The following POC5 variants were observed in gnomAD, a reference collection of about 807,000 sequenced individuals.
POC5 encodes centrosomal protein POC5.
Under a neutral mutation model 62.9 loss-of-function variants are expected in POC5, and 48 were observed. The ratio of observed to expected loss-of-function variants is 0.76; its 90% CI spans 0.61 to 0.97. The LOEUF is 0.97. Among genes scored for constraint, POC5 ranks in the 50% least tolerant of loss-of-function variants. POC5 has a pLI of 0.00. For missense variants in POC5, 696 were observed against 679.5 expected, an observed-to-expected ratio of 1.02 and a Z score of -0.27; for synonymous variants, 236 against 228.2, an observed-to-expected ratio of 1.03 and a Z score of -0.31.
chr5:75,688,958 T>G, intron 9 of POC5, 54 bp downstream of exon 9: 1 of 1,459,176 alleles, frequency 6.9e-7, no homozygotes, highest in Non-Finnish European at 9.1e-7. Context: ...ATCACCAAAA[T>G]CTCCTCAAAT....
At chr5:75,691,232 T>C (rs1002044624) in intron 7 of POC5, among the ~76,000 whole-genome samples, 1 of 152,208 alleles carries the variant, frequency 6.6e-6, no homozygotes, top group Non-Finnish European at 1.5e-5. Flanking sequence ...AGTTTCAAAG[T>C]AGAGTATAAA....
chr5:75,707,472 G>T, intron 3 of POC5: 1 of 299,218 alleles, frequency 3.3e-6, no homozygotes, highest in Non-Finnish European at 6.3e-6. Context: ...ATACCAAAAA[G>T]CCATGCAGTT....
At chr5:75,717,084 T>G (rs1436486274) in intron 1 of POC5, among the ~76,000 whole-genome samples, 2 of 152,236 alleles carry the variant, frequency 1.3e-5, no homozygotes, top group African/African-American at 4.8e-5. Flanking sequence ...CCGGAACCTC[T>G]GATGACAGTA....
chr5:75,699,520 C>G lies in POC5; in HGVS notation c.513+3085G>C, dbSNP rs1468524218. Among the ~76,000 whole-genome samples the G allele has an allele frequency of 1.7e-4, 24 of 143,292 alleles. 2 individuals carry two copies. In the East Asian group the frequency reaches 3.2e-3, roughly 19 times the overall value. 94.0% of individuals were successfully genotyped at this position (143,292 alleles called of 152,430 possible). On this transcript the variant is annotated intron_variant, in intron 5 of 11. Transcript: ENST00000428202. ...AGGCCTTTGACAAAATTCAACAACC[C>G]TTCATGCTAAAATCTCTCAATAAAT...
chr5:75,677,624 A>T (rs1050337934), intron 11 of POC5, 150 bp downstream of exon 11: 89 of 483,738 alleles, frequency 1.8e-4, no homozygotes, highest in African/African-American at 1.5e-3. Flanking sequence ...TATATATTAA[A>T]AAAAAAAAAA....
intron 11 of POC5, chr5:75,677,545 C>T (rs909024589): frequency 8.2e-5 from 24 of 293,600 alleles, no homozygotes; most frequent in African/African-American, 2.4e-4. Context: ...TTGGAAGAAA[C>T]GATGTTTCTG....
intron 1 of POC5, among the ~76,000 whole-genome samples, chr5:75,715,922 A>G (rs1742510822): frequency 6.6e-6 from 1 of 152,202 alleles, no homozygotes; most frequent in Non-Finnish European, 1.5e-5. Flanking sequence ...TTGAGAAGAA[A>G]ATAGAATTAG....
intron 10 of POC5, among the ~76,000 whole-genome samples, chr5:75,682,961 A>C (rs553123733): frequency 6.6e-6 from 1 of 152,290 alleles, no homozygotes; most frequent in South Asian, 2.1e-4. Flanking sequence ...GAAAGGTAAA[A>C]ATTCAAACCT....
At chr5:75,712,348 A>G (rs1458539306) in intron 2 of POC5, 4 of 1,540,912 alleles carry the variant, frequency 2.6e-6, no homozygotes, top group Non-Finnish European at 3.6e-6. Context: ...ATTTCATGTA[A>G]ATACCACACC....
chr5:75,686,953 A>T (rs1335009077), intron 9 of POC5, among the ~76,000 whole-genome samples: 2 of 152,248 alleles, frequency 1.3e-5, no homozygotes, highest in African/African-American at 4.8e-5. Context: ...ATCGGTACAA[A>T]TAAAAAACCA....
At chr5:75,704,560 C>A (rs907272624) in intron 4 of POC5, among the ~76,000 whole-genome samples, 15 of 152,152 alleles carry the variant, frequency 9.9e-5, no homozygotes, top group Non-Finnish European at 1.8e-4. Flanking sequence ...GGTGGAATGA[C>A]AATGTACATG....
At position 75,694,805 on chromosome 5, in the gene POC5, T is replaced by C; in HGVS notation, c.540A>G (p.Lys180=). ...LKTNIISELS[K]WRLNFIDWHR... The stretch of plus-strand genomic sequence containing the variant: ...GCCAGTCAATAAAATTAAGTCTCCA[T>C]TTACTTAGTTCAGATATGATGTTTG... Residue 180 remains lysine, a synonymous_variant, in exon 6 of 12, where the codon AAA becomes AAG. Coordinates refer to ENST00000428202, the MANE Select transcript of POC5 (RefSeq NM_001099271.2). 1.9e-6 allele frequency: 3 copies of C among 1,560,082 alleles called. No homozygotes were observed. The highest frequency in any genetic ancestry group is 2.3e-5 in the South Asian group (2 of 86,546).
rs1438722430 is a variant in POC5, at chr5:75,694,821, A to G, written c.524T>C (p.Ile175Thr). Residue 175 changes from isoleucine (I) to threonine (T), a missense_variant, in exon 6 of 12, where the codon ATA becomes ACA. Ile to Thr is a moderately conservative substitution (Grantham distance 89). Transcript: ENST00000428202. ...LWSSGLKTNI[I>T]SELSKWRLNF... ...AAGTCTCCATTTACTTAGTTCAGAT[A>G]TGATGTTTGTCTGAAAAATTAATAT... The G allele has an allele frequency of 1.3e-6, 2 of 1,529,308 alleles. No homozygotes were observed. Among genetic ancestry groups the G allele is most frequent in the South Asian group, 1.2e-5 (1 of 82,910 alleles). 94.7% of individuals were successfully genotyped at this position (1,529,308 alleles called of 1,614,324 possible).
At chr5:75,692,108 C>A (rs1776361504) in intron 7 of POC5, among the ~76,000 whole-genome samples, 1 of 152,064 alleles carries the variant, frequency 6.6e-6, no homozygotes, top group South Asian at 2.1e-4. Flanking sequence ...ATAACCACAT[C>A]TGAGGGGGTT....
At chr5:75,693,081 TTAA>T (rs201476808) in intron 6 of POC5, among the ~76,000 whole-genome samples, 2,738 of 142,136 alleles carry the variant, frequency 0.019, 84 homozygotes, top group African/African-American at 0.063. Flanking sequence ...CATATAACTA[TTAA>T]TAACATATAT....
At chr5:75,685,933 C>T (rs1248857216) in intron 9 of POC5, among the ~76,000 whole-genome samples, 2 of 152,078 alleles carry the variant, frequency 1.3e-5, no homozygotes, top group African/African-American at 2.4e-5. Context: ...CACTATACTC[C>T]CTCATTTTCA....
intron 5 of POC5, among the ~76,000 whole-genome samples, chr5:75,695,689 A>C (rs1776539096): frequency 6.7e-6 from 1 of 149,766 alleles, no homozygotes; most frequent in East Asian, 1.9e-4. Context: ...AAAAACAAAC[A>C]AAAAAAAGTG....
Position 75,695,415 on chromosome 5 carries a change from T to C in POC5, c.514-584A>G, listed in dbSNP as rs147645733. On this transcript the variant is annotated intron_variant, in intron 5 of 11. Transcript: ENST00000428202. ...TATTAACTAAACACAATTTAAATGG[T>C]TGGTGGTATAACACTCCAATTGACT... Among the ~76,000 whole-genome samples, 55 of 152,190 alleles carry C rather than the reference T, an allele frequency of 3.6e-4. 1 individual carries two copies. The highest frequency in any genetic ancestry group is 1.2e-3 in the African/African-American group (50 of 41,530).
In POC5 at chr5:75,682,790, C is replaced by T. The variant is rs557036009; in HGVS notation, c.1407+2417G>A. Among the ~76,000 whole-genome samples the T allele has an allele frequency of 2.5e-3, 386 of 152,340 alleles. 2 individuals carry two copies. The highest frequency in any genetic ancestry group is 8.9e-3 in the African/African-American group (370 of 41,578). ...TCGGCCTCCCAGAGTGCTGGGATTA[C>T]AGGCGTGAGCCACTGTGCTCGGCCA... is the stretch of plus-strand genomic sequence containing the variant. On this transcript the variant is annotated intron_variant, in intron 10 of 11. Coordinates refer to ENST00000428202, the MANE Select transcript of POC5 (RefSeq NM_001099271.2).
Sources: allele counts gnomAD v4.1 joint callset (sites outside exome capture counted in the v4.1 genomes callset), GRCh38; gene constraint gnomAD v4.1.1; transcripts MANE v1.5; gene names NCBI Gene and HGNC (gene_info 2026-07-23, HGNC 2026-07-21).